The following AJAP1 variants were observed in gnomAD, a reference collection of about 807,000 sequenced individuals.
The protein encoded by AJAP1 is adherens junction-associated protein 1.
Under a neutral mutation model 35.0 loss-of-function variants are expected in AJAP1, and 5 were observed. The ratio of observed to expected loss-of-function variants is 0.14; its 90% CI spans 0.07 to 0.30. AJAP1 has a LOEUF of 0.30. Among genes scored for constraint, AJAP1 ranks in the 10% least tolerant of loss-of-function variants. The probability of loss-of-function intolerance (pLI) is 1.00; values close to 1 mark genes in which losing one functional copy is unlikely to be tolerated. For missense variants in AJAP1, 586 were observed against 571.0 expected, an observed-to-expected ratio of 1.03 and a Z score of -0.27; for synonymous variants, 284 against 249.3, an observed-to-expected ratio of 1.14 and a Z score of -1.31.
intron 5 of AJAP1, among the ~76,000 whole-genome samples, chr1:4,776,595 A>G (rs1641944985): frequency 6.6e-6 from 1 of 152,236 alleles, no homozygotes; most frequent in Non-Finnish European, 1.5e-5. Context: ...TTATTTACTC[A>G]TCTGCCCCAG....
intron 1 of AJAP1, among the ~76,000 whole-genome samples, chr1:4,674,042 C>CA (rs57335438): frequency 0.38 from 30,286 of 80,582 alleles, 4,284 homozygotes; most frequent in Non-Finnish European, 0.42. Context: ...CCCCCGCCAC[C>CA]AAAAAAAAAA....
chr1:4,761,461 G>A (rs967177421), intron 2 of AJAP1, among the ~76,000 whole-genome samples: 1 of 152,118 alleles, frequency 6.6e-6, no homozygotes, highest in Non-Finnish European at 1.5e-5. Flanking sequence ...ACAACTTCAG[G>A]TCCCTTCTGG....
chr1:4,716,959 G>T (rs1640406779), intron 2 of AJAP1, among the ~76,000 whole-genome samples: 1 of 152,166 alleles, frequency 6.6e-6, no homozygotes, highest in African/African-American at 2.4e-5. Context: ...CCTGGCACAG[G>T]TTCACAGAGG....
chr1:4,737,914 A>ACCAAAT (rs1315413110), intron 2 of AJAP1, among the ~76,000 whole-genome samples: 4 of 152,002 alleles, frequency 2.6e-5, no homozygotes, highest in African/African-American at 9.7e-5. Flanking sequence ...AAAAACCAAA[A>ACCAAAT]CCAAAACCAA....
intron 2 of AJAP1, among the ~76,000 whole-genome samples, chr1:4,733,702 C>G (rs1557631208): frequency 6.6e-6 from 1 of 152,002 alleles, no homozygotes; most frequent in Non-Finnish European, 1.5e-5. Flanking sequence ...CATCCTGACC[C>G]ATCTCTGACC....
At chr1:4,724,677 C>A (rs956578939) in intron 2 of AJAP1, among the ~76,000 whole-genome samples, 1 of 115,062 alleles carries the variant, frequency 8.7e-6, no homozygotes, top group Admixed American at 7.8e-5. Context: ...AGATCCTGCA[C>A]CTGCTGTGCC....
intron 1 of AJAP1, among the ~76,000 whole-genome samples, chr1:4,658,575 T>G (rs1261515719): frequency 4.6e-5 from 7 of 152,362 alleles, no homozygotes; most frequent in Non-Finnish European, 4.4e-5. Flanking sequence ...TGTCAGCGGC[T>G]GTGCTACTCC....
At chr1:4,772,900 C>T (rs895487352) in intron 4 of AJAP1, among the ~76,000 whole-genome samples, 1 of 152,294 alleles carries the variant, frequency 6.6e-6, no homozygotes, top group East Asian at 1.9e-4. Flanking sequence ...AGCCCCCCGA[C>T]CGGAGTCAGC....
chr1:4,676,128 G>A (rs1050076552), intron 1 of AJAP1, among the ~76,000 whole-genome samples: 5 of 152,224 alleles, frequency 3.3e-5, no homozygotes, highest in South Asian at 4.2e-4. Context: ...GAGGATCCCC[G>A]GCGAGTTCAT....
intron 2 of AJAP1, among the ~76,000 whole-genome samples, chr1:4,725,951 G>A (rs964341685): frequency 6.6e-6 from 1 of 152,178 alleles, no homozygotes; most frequent in African/African-American, 2.4e-5. Context: ...TCACATTAGG[G>A]GGTGGAGCTT....
intron 2 of AJAP1, among the ~76,000 whole-genome samples, chr1:4,741,302 G>A (rs1641063841): frequency 6.6e-6 from 1 of 152,198 alleles, no homozygotes; most frequent in South Asian, 2.1e-4. Context: ...GGAGCAGGAA[G>A]CCCAAATCAG....
chr1:4,712,262 C>G lies in AJAP1; in HGVS notation c.392C>G (p.Ala131Gly). The G allele has an allele frequency of 6.6e-7, 1 of 1,522,768 alleles. No homozygotes were observed. Among genetic ancestry groups the G allele is most frequent in the Non-Finnish European group, 8.8e-7 (1 of 1,140,258 alleles). 94.3% of individuals were successfully genotyped at this position (1,522,768 alleles called of 1,614,324 possible). ...GCTGCCAAATCCAGCCCTTCCCTCGCCTCTTCGTCCTCGTCCTCGTCCTCC... is the reference window on the plus strand; with the variant it reads ...GCTGCCAAATCCAGCCCTTCCCTCGGCTCTTCGTCCTCGTCCTCGTCCTCC... ...PAAAKSSPSL[A>G]SSSSSSSSAV... Residue 131 changes from alanine to glycine, a missense_variant, in exon 2 of 6, where the codon GCC (alanine) becomes GGC (glycine). Physicochemically the swap from Ala to Gly is moderately conservative, Grantham distance 60. Transcript: ENST00000378191.
intron 1 of AJAP1, among the ~76,000 whole-genome samples, chr1:4,665,063 A>G (rs1208720150): frequency 6.6e-6 from 1 of 151,964 alleles, no homozygotes; most frequent in Admixed American, 6.6e-5. Flanking sequence ...AAATGCGGAA[A>G]AAGCCCCACG....
rs552639032 is a variant in AJAP1 at position 4,782,493 on chromosome 1, C to T, written c.*60-52C>T. 14 of 327,646 alleles carry T rather than the reference C, an allele frequency of 4.3e-5. No homozygotes were observed. Among genetic ancestry groups the T allele is most frequent in the Admixed American group, 3.4e-4 (7 of 20,416 alleles). The allele number at this position is 327,646 out of a possible 1,614,324, so 20.3% of individuals were successfully genotyped here. On this transcript the variant is annotated intron_variant, in intron 5 of 5. Coordinates refer to ENST00000378191, the MANE Select transcript of AJAP1 (RefSeq NM_018836.4). The surrounding 1 kb of genome is among the most constrained non-coding windows in gnomAD (Gnocchi z 5.3). ...TCGACCGAGAACCCCACAGACTTGT[C>T]GCGCCCTCGGCGTGCTGCCATTTAA...
At chr1:4,660,001 C>T (rs1178057413) in intron 1 of AJAP1, among the ~76,000 whole-genome samples, 1 of 152,246 alleles carries the variant, frequency 6.6e-6, no homozygotes, top group Non-Finnish European at 1.5e-5. Context: ...AATACAACTG[C>T]AAAGCTGCCC....
chr1:4,697,998 G>A (rs1277586988), intron 1 of AJAP1, among the ~76,000 whole-genome samples: 1 of 152,216 alleles, frequency 6.6e-6, no homozygotes, highest in Non-Finnish European at 1.5e-5. Flanking sequence ...CAGCCGGCAG[G>A]AGATTAAGCT....
chr1:4,655,173 C>A lies in AJAP1; in HGVS notation c.-253C>A, dbSNP rs568612617. On this transcript the variant is annotated 5_prime_UTR_variant, in exon 1 of 6. Transcript: ENST00000378191. The surrounding 1 kb of genome is among the most constrained non-coding windows in gnomAD (Gnocchi z 6.9). ...GGAGGGGGCCGCGAGCCCCGCGCCC[C>A]GGCCGGAGGATGTGCGCCCCCGCGG... 6.7e-6 allele frequency: 1 copy of A among 148,894 alleles called. No homozygotes were observed. The highest frequency in any genetic ancestry group is 2.0e-4 in the East Asian group (1 of 5,070). 9.2% of individuals were successfully genotyped at this position (148,894 alleles called of 1,614,324 possible).
intron 2 of AJAP1, among the ~76,000 whole-genome samples, chr1:4,735,306 A>G (rs1570171980): frequency 6.6e-6 from 1 of 152,300 alleles, no homozygotes; most frequent in East Asian, 1.9e-4. Context: ...TGGGGAGAGA[A>G]GTCATCCCTG....
Position 4,712,526 on chromosome 1 carries a change from C to T in AJAP1, c.656C>T (p.Thr219Ile). 6.2e-7 allele frequency: 1 copy of T among 1,610,210 alleles called. No individual in the cohort carries two copies. The highest frequency in any genetic ancestry group is 8.5e-7 in the Non-Finnish European group (1 of 1,178,156). The change falls in exon 2 of 6, where the codon ACC becomes ATC. Residue 219 changes from threonine (T) to isoleucine (I), a missense_variant. By Grantham distance (89) the Thr-to-Ile change is moderately conservative. Transcript: ENST00000378191. Reference protein sequence around the residue: ...LQTRKTTVAATTTTTTTATPM... With the variant: ...LQTRKTTVAAITTTTTTATPM... The stretch of plus-strand genomic sequence containing the variant: ...ACACGGAAGACAACTGTGGCCGCCA[C>T]CACCACCACCACCACCACGGCCACC...
Sources: allele counts gnomAD v4.1 joint callset (sites outside exome capture counted in the v4.1 genomes callset), GRCh38; gene constraint gnomAD v4.1.1; non-coding constraint Gnocchi (gnomAD v3.1); transcripts MANE v1.5; gene names NCBI Gene and HGNC (gene_info 2026-07-23, HGNC 2026-07-21).